Variants in EDIL3 observed in about 807,000 individuals in gnomAD.
EDIL3 encodes EGF like and discoidin domains 3, also known as EGF-like repeat and discoidin I-like domain-containing protein 3.
EDIL3 carries 37 observed loss-of-function variants against 67.4 expected under a neutral mutation model. The ratio of observed to expected loss-of-function variants is 0.55; its 90% CI spans 0.42 to 0.72. The LOEUF is 0.72. EDIL3 is among the 30% of genes least tolerant of loss of function. The pLI, the probability that EDIL3 is intolerant of heterozygous loss-of-function variation, is 0.00. For missense variants in EDIL3, 527 were observed against 586.3 expected (o/e 0.90, Z 1.04); for synonymous variants, 195 against 196.3 (o/e 0.99, Z 0.05).
intron 1 of EDIL3, among the ~76,000 whole-genome samples, chr5:84,278,630 A>G (rs930045861): frequency 6.6e-6 from 1 of 152,152 alleles, no homozygotes; most frequent in African/African-American, 2.4e-5. Context: ...GTGTGGGTCC[A>G]CTGTTACTTC....
intron 1 of EDIL3, among the ~76,000 whole-genome samples, chr5:84,317,580 T>C (rs550332545): frequency 9.2e-5 from 14 of 152,090 alleles, no homozygotes; most frequent in Non-Finnish European, 1.8e-4. Flanking sequence ...AATAACAGGT[T>C]CTAAAATTGA....
rs546734811 is a variant in EDIL3 at position 84,229,720 on chromosome 5, T to C, written c.226+135A>G. On this transcript the variant is annotated intron_variant, in intron 3 of 10. Transcript: ENST00000296591. ...CACAGCATAGTGAGCTCAGCAAATATAAAAGTAAATAAATAAACAAACCTG... is the reference window on the plus strand; with the variant it reads ...CACAGCATAGTGAGCTCAGCAAATACAAAAGTAAATAAATAAACAAACCTG... 46 of 873,848 alleles carry C rather than the reference T, an allele frequency of 5.3e-5. No homozygotes were observed. In the African/African-American group the frequency reaches 6.6e-4, roughly 12 times the overall value. 54.1% of individuals were successfully genotyped at this position (873,848 alleles called of 1,614,324 possible).
intron 10 of EDIL3, among the ~76,000 whole-genome samples, chr5:83,962,601 G>A (rs540934943): frequency 2.6e-5 from 4 of 151,426 alleles, no homozygotes; most frequent in Non-Finnish European, 5.9e-5. Context: ...AAAATTCAAA[G>A]TAGATCATAA....
At chr5:84,187,779 C>T (rs1438387753) in intron 3 of EDIL3, among the ~76,000 whole-genome samples, 1 of 151,834 alleles carries the variant, frequency 6.6e-6, no homozygotes, top group East Asian at 1.9e-4. Context: ...TCTGGGAACG[C>T]TCACATGATT....
chr5:84,218,476 T>G (rs1185319239), intron 3 of EDIL3, among the ~76,000 whole-genome samples: 1 of 152,184 alleles, frequency 6.6e-6, no homozygotes, highest in Non-Finnish European at 1.5e-5. Flanking sequence ...AATAGAAGCC[T>G]CCACCAATTG....
intron 9 of EDIL3, among the ~76,000 whole-genome samples, chr5:84,045,968 C>A (rs1363942461): frequency 6.6e-6 from 1 of 152,120 alleles, no homozygotes; most frequent in African/African-American, 2.4e-5. Flanking sequence ...TAGGATAAAC[C>A]AAAGCAATTG....
At chr5:84,121,748 C>T (rs1230711699) in intron 5 of EDIL3, among the ~76,000 whole-genome samples, 2 of 152,072 alleles carry the variant, frequency 1.3e-5, no homozygotes, top group Admixed American at 6.6e-5. Context: ...CTTTTCTTCG[C>T]TGTCCCAGCG....
At chr5:84,071,772 A>C (rs879327517) in intron 6 of EDIL3, among the ~76,000 whole-genome samples, 2 of 152,330 alleles carry the variant, frequency 1.3e-5, no homozygotes, top group Middle Eastern at 3.4e-3. Flanking sequence ...AAGTTCTGCA[A>C]GTTTGCTTAA....
chr5:84,163,636 T>C (rs1234854744), intron 4 of EDIL3, among the ~76,000 whole-genome samples: 1 of 152,166 alleles, frequency 6.6e-6, no homozygotes, highest in Non-Finnish European at 1.5e-5. Context: ...TCAGCCATGC[T>C]AGGTCAATCT....
At chr5:84,292,616 C>A (rs1008957007) in intron 1 of EDIL3, among the ~76,000 whole-genome samples, 1 of 151,906 alleles carries the variant, frequency 6.6e-6, no homozygotes, top group African/African-American at 2.4e-5. Context: ...ATAATTATAT[C>A]CTATTTTTTT....
At chr5:84,213,906 C>T (rs73140565) in intron 3 of EDIL3, among the ~76,000 whole-genome samples, 3,017 of 152,168 alleles carry the variant, frequency 0.02, 116 homozygotes, top group African/African-American at 0.069. Context: ...GTAGTTATTG[C>T]ATAAAGAAAT....
intron 9 of EDIL3, among the ~76,000 whole-genome samples, chr5:83,979,967 A>AC (rs1744941907): frequency 6.6e-6 from 1 of 152,084 alleles, no homozygotes. Context: ...TGTAGGGCAG[A>AC]CTCTGATCAC....
chr5:84,296,488 C>T (rs970761687), intron 1 of EDIL3, among the ~76,000 whole-genome samples: 6 of 152,102 alleles, frequency 3.9e-5, no homozygotes, highest in African/African-American at 1.4e-4. Flanking sequence ...CTAAAATGCA[C>T]AAGATATTTA....
chr5:84,370,443 A>G (rs950437008), intron 1 of EDIL3, among the ~76,000 whole-genome samples: 24 of 152,228 alleles, frequency 1.6e-4, no homozygotes, highest in African/African-American at 5.5e-4. Flanking sequence ...TTGCTGCTGG[A>G]GCTGATGGGA....
At chr5:84,374,833 A>T (rs1185923789) in intron 1 of EDIL3, among the ~76,000 whole-genome samples, 8 of 152,248 alleles carry the variant, frequency 5.3e-5, no homozygotes, top group East Asian at 1.9e-4. Flanking sequence ...TCTTGCTGCC[A>T]CGTGAAGAAG....
chr5:84,002,294 T>C (rs1323576530), intron 9 of EDIL3, among the ~76,000 whole-genome samples: 3 of 150,584 alleles, frequency 2.0e-5, no homozygotes, highest in Non-Finnish European at 2.9e-5. Flanking sequence ...CATATAATAA[T>C]AAAAGCCATA....
At chr5:84,141,930 T>TACAC (rs1313681487) in intron 4 of EDIL3, among the ~76,000 whole-genome samples, 2 of 125,620 alleles carry the variant, frequency 1.6e-5, no homozygotes, top group East Asian at 2.4e-4. Context: ...TATACACATA[T>TACAC]ATATATATAT....
intron 9 of EDIL3, among the ~76,000 whole-genome samples, chr5:84,006,656 T>C (rs1745422813): frequency 1.3e-5 from 2 of 152,158 alleles, no homozygotes; most frequent in Non-Finnish European, 2.9e-5. Context: ...AAATAATCTG[T>C]ACACCAACCC....
chr5:84,097,333 C>T (rs957306807), intron 6 of EDIL3, among the ~76,000 whole-genome samples: 2 of 152,038 alleles, frequency 1.3e-5, no homozygotes, highest in African/African-American at 4.8e-5. Flanking sequence ...TGACATTGCC[C>T]TAGTATTATA....
Sources: gnomAD v4.1 joint callset for allele counts (sites outside exome capture counted in the v4.1 genomes callset) on GRCh38, gnomAD v4.1.1 for gene constraint, MANE v1.5 for transcripts, NCBI Gene and HGNC (gene_info 2026-07-23, HGNC 2026-07-21) for gene names.